Variants in SYNGR1 observed in about 807,000 individuals in gnomAD.
SYNGR1 encodes synaptogyrin-1.
Under a neutral mutation model 26.1 loss-of-function variants are expected in SYNGR1, and 14 were observed. The ratio of observed to expected loss-of-function variants is 0.54; its 90% CI spans 0.35 to 0.84. The LOEUF is 0.84. Among genes scored for constraint, SYNGR1 ranks in the 40% least tolerant of loss-of-function variants. The probability of loss-of-function intolerance (pLI) is 0.01; values close to 1 mark genes in which losing one functional copy is unlikely to be tolerated. For missense variants in SYNGR1, 319 were observed against 332.9 expected (o/e 0.96, Z 0.33); for synonymous variants, 141 against 150.1 (o/e 0.94, Z 0.44).
Position 39,382,232 on chromosome 22 carries a change from C to T in SYNGR1, c.*318C>T. The T allele has an allele frequency of 2.1e-6, 1 of 474,730 alleles. No individual in the cohort carries two copies. Among genetic ancestry groups the T allele is most frequent in the Non-Finnish European group, 3.9e-6 (1 of 258,236 alleles). 29.4% of individuals were successfully genotyped at this position (474,730 alleles called of 1,614,324 possible). ...GGCCTGTGCTGGGCATGGGTGGTGACATTGGCAGAAATGGCCACTGGAAAG... is the reference window on the plus strand; with the variant it reads ...GGCCTGTGCTGGGCATGGGTGGTGATATTGGCAGAAATGGCCACTGGAAAG... On this transcript the variant is annotated 3_prime_UTR_variant, in exon 4 of 4. Transcript: ENST00000328933.
Position 39,382,253 on chromosome 22 carries a change from G to C in SYNGR1, c.*339G>C. 2.3e-6 allele frequency: 1 copy of C among 435,230 alleles called. No homozygotes were observed. The allele number at this position is 435,230 out of a possible 1,614,324, so 27.0% of individuals were successfully genotyped here. Reference sequence around the variant, plus strand: ...GTGACATTGGCAGAAATGGCCACTGGAAAGGGGAGCGATGAGCTGTGGAGG... The same window carrying C: ...GTGACATTGGCAGAAATGGCCACTGCAAAGGGGAGCGATGAGCTGTGGAGG... On this transcript the variant is annotated 3_prime_UTR_variant, in exon 4 of 4. Transcript: ENST00000328933.
intron 3 of SYNGR1, 57 bp downstream of exon 3, chr22:39,376,254 TG>T: frequency 6.2e-7 from 1 of 1,612,904 alleles, no homozygotes; most frequent in East Asian, 2.2e-5. Context: ...ACTGAGCCCC[TG>T]GATGGGTGGC....
At chr22:39,361,908 G>A (rs1351765202) in intron 1 of SYNGR1, among the ~76,000 whole-genome samples, 1 of 152,052 alleles carries the variant, frequency 6.6e-6, no homozygotes, top group Non-Finnish European at 1.5e-5. Flanking sequence ...GGCCCTGGGG[G>A]GGTACAGGAT....
intron 3 of SYNGR1, 75 bp downstream of exon 3, chr22:39,376,272 C>G (rs1925279308): frequency 1.9e-6 from 3 of 1,609,920 alleles, no homozygotes; most frequent in Admixed American, 3.3e-5. Flanking sequence ...TGGCCTTTCG[C>G]TAGCCTGGGA....
At chr22:39,370,377 G>A (rs1001683999) in intron 1 of SYNGR1, among the ~76,000 whole-genome samples, 2 of 151,984 alleles carry the variant, frequency 1.3e-5, no homozygotes, top group African/African-American at 4.8e-5. Flanking sequence ...TGATCCACCC[G>A]CCTCGGCCTC....
Position 39,350,649 on chromosome 22 carries a change from C to T in SYNGR1, c.99+540C>T, listed in dbSNP as rs894624605. Among the ~76,000 whole-genome samples, 4 of 152,164 alleles carry T rather than the reference C, an allele frequency of 2.6e-5. No individual in the cohort carries two copies. Among genetic ancestry groups the T allele is most frequent in the Non-Finnish European group, 5.9e-5 (4 of 68,016 alleles). ...GAGTCGGGAACTGAGTACCTCTCTT[C>T]CACCCGGGAACTGCCTCTCCTTCTC... On this transcript the variant is annotated intron_variant, in intron 1 of 3. Coordinates refer to ENST00000328933, the MANE Select transcript of SYNGR1 (RefSeq NM_004711.5). The surrounding 1 kb of genome is among the most constrained non-coding windows in gnomAD (Gnocchi z 4.3).
At chr22:39,367,647 A>T (rs1442466923) in intron 1 of SYNGR1, among the ~76,000 whole-genome samples, 1 of 151,842 alleles carries the variant, frequency 6.6e-6, no homozygotes, top group African/African-American at 2.4e-5. Context: ...ACATGGCACA[A>T]CCCCGTCTCT....
chr22:39,377,551 C>G, intron 3 of SYNGR1: 1 of 1,602,106 alleles, frequency 6.2e-7, no homozygotes, highest in Non-Finnish European at 8.5e-7. Flanking sequence ...CTCCTGGCAC[C>G]TCTGCAGCTC....
intron 1 of SYNGR1, among the ~76,000 whole-genome samples, chr22:39,353,213 G>C (rs1427594966): frequency 1.3e-5 from 2 of 151,714 alleles, no homozygotes; most frequent in Non-Finnish European, 2.9e-5. Flanking sequence ...TTTTTCTGTT[G>C]CTTTTCCAAA....
At chr22:39,359,943 G>C (rs916937128) in intron 1 of SYNGR1, among the ~76,000 whole-genome samples, 1 of 151,884 alleles carries the variant, frequency 6.6e-6, no homozygotes, top group African/African-American at 2.4e-5. Context: ...CTTGGGCCTG[G>C]GGCCTCTGAA....
chr22:39,375,551 A>G, intron 2 of SYNGR1: 1 of 281,094 alleles, frequency 3.6e-6, no homozygotes, highest in Non-Finnish European at 6.7e-6. Context: ...AGACCCACCC[A>G]GCCAAGCTGC....
chr22:39,363,077 C>T (rs1349135309), intron 1 of SYNGR1, among the ~76,000 whole-genome samples: 1 of 152,058 alleles, frequency 6.6e-6, no homozygotes, highest in African/African-American at 2.4e-5. Flanking sequence ...GTTGAGGAGC[C>T]AGCTGAAGGA....
At chr22:39,366,723 A>T (rs532374715) in intron 1 of SYNGR1, among the ~76,000 whole-genome samples, 1 of 152,160 alleles carries the variant, frequency 6.6e-6, no homozygotes, top group South Asian at 2.1e-4. Context: ...CCTGTCCCTC[A>T]CTTGGGTGCT....
At chr22:39,354,341 A>C (rs1924051949) in intron 1 of SYNGR1, among the ~76,000 whole-genome samples, 1 of 152,162 alleles carries the variant, frequency 6.6e-6, no homozygotes, top group Admixed American at 6.5e-5. Context: ...TGGAGAAGTG[A>C]CTTGTGCTAG....
intron 1 of SYNGR1, among the ~76,000 whole-genome samples, chr22:39,369,291 G>A (rs368254709): frequency 2.3e-4 from 35 of 150,374 alleles, no homozygotes; most frequent in South Asian, 2.3e-4. Context: ...GCAGCTGGCC[G>A]TGTACTGCAC....
chr22:39,357,385 C>G (rs1300136422), intron 1 of SYNGR1, among the ~76,000 whole-genome samples: 1 of 152,230 alleles, frequency 6.6e-6, no homozygotes, highest in Non-Finnish European at 1.5e-5. Flanking sequence ...GCTGTCCTCA[C>G]AGCCCTCACT....
At chr22:39,357,264 C>CAA (rs879475246) in intron 1 of SYNGR1, among the ~76,000 whole-genome samples, 11 of 140,204 alleles carry the variant, frequency 7.8e-5, no homozygotes, top group Middle Eastern at 7.2e-3. Flanking sequence ...GACTCTGTTT[C>CAA]AAAAAAAAAA....
intron 3 of SYNGR1, chr22:39,377,199 G>T: frequency 6.9e-7 from 1 of 1,439,724 alleles, no homozygotes; most frequent in South Asian, 1.5e-5. Flanking sequence ...CCGGGTTGAC[G>T]TCTTTTTCTT....
intron 1 of SYNGR1, among the ~76,000 whole-genome samples, chr22:39,365,586 T>G (rs11913273): frequency 0.066 from 10,001 of 152,032 alleles, 1,079 homozygotes; most frequent in African/African-American, 0.23. Flanking sequence ...CAGGGTGGGG[T>G]ACAGCTGCTA....
Sources: allele counts gnomAD v4.1 joint callset (sites outside exome capture counted in the v4.1 genomes callset), GRCh38; gene constraint gnomAD v4.1.1; non-coding constraint Gnocchi (gnomAD v3.1); transcripts MANE v1.5; gene names NCBI Gene and HGNC (gene_info 2026-07-23, HGNC 2026-07-21).